The following MYO16 variants were observed in gnomAD, a reference collection of about 807,000 sequenced individuals.
MYO16 encodes the protein unconventional myosin-XVI.
MYO16 carries 94 observed loss-of-function variants against 205.3 expected under a neutral mutation model. The ratio of observed to expected loss-of-function variants is 0.46; its 90% CI spans 0.39 to 0.54. The LOEUF (loss-of-function observed/expected upper bound fraction) is 0.54. MYO16 is among the 20% of genes least tolerant of loss of function. The pLI is 0.00. For missense variants in MYO16, 2,315 were observed against 2,387.5 expected (o/e 0.97, Z 0.63); for synonymous variants, 988 against 954.0 (o/e 1.04, Z -0.66).
In MYO16 at chr13:108,898,002, C is replaced by T. The variant is rs1880512600; in HGVS notation, c.1660-14C>T. ...AATATGAGCAGTTCAGTAAAATGTTCTCCTCTCCCACAGGTCGTGTGCATC... is the reference window on the plus strand; with the variant it reads ...AATATGAGCAGTTCAGTAAAATGTTTTCCTCTCCCACAGGTCGTGTGCATC... On this transcript the variant is annotated splice_polypyrimidine_tract_variant and intron_variant, in intron 14 of 34. Transcript: ENST00000457511. 2 of 1,575,436 alleles carry T rather than the reference C, an allele frequency of 1.3e-6. No homozygotes were observed. Among genetic ancestry groups the T allele is most frequent in the Admixed American group, 1.7e-5 (1 of 59,922 alleles).
chr13:109,207,096 T>C lies in MYO16; in HGVS notation c.*260T>C. The C allele has an allele frequency of 2.4e-6, 1 of 419,322 alleles. No individual in the cohort carries two copies. 26.0% of individuals were successfully genotyped at this position (419,322 alleles called of 1,614,324 possible). On this transcript the variant is annotated 3_prime_UTR_variant, in exon 35 of 35. Transcript: ENST00000457511. ...CTCATTTACGGCTCTGTGCTACCCC[T>C]AGGTAGCAAGAGAGAGGCTGGGAAA...
At chr13:108,654,197 C>T (rs1881140606) in intron 1 of MYO16, among the ~76,000 whole-genome samples, 1 of 152,100 alleles carries the variant, frequency 6.6e-6, no homozygotes, top group Non-Finnish European at 1.5e-5. Flanking sequence ...ACCAAGGTGA[C>T]ACGCTTTGGC....
intron 4 of MYO16, among the ~76,000 whole-genome samples, chr13:108,744,379 T>C (rs893411564): frequency 5.9e-5 from 9 of 152,212 alleles, no homozygotes; most frequent in African/African-American, 1.7e-4. Context: ...TTTTCAGTCA[T>C]TCTATAAGCC....
intron 1 of MYO16, among the ~76,000 whole-genome samples, chr13:108,661,042 T>C (rs970143930): frequency 6.6e-6 from 1 of 152,186 alleles, no homozygotes; most frequent in African/African-American, 2.4e-5. Context: ...TCATGTATGA[T>C]GCTTGGTTTC....
intron 9 of MYO16, 124 bp downstream of exon 9, chr13:108,823,402 T>A: frequency 2.6e-6 from 2 of 763,116 alleles, no homozygotes; most frequent in Admixed American, 2.8e-5. Context: ...TCAATGTATA[T>A]ACCAAAGAAT....
chr13:108,633,968 C>T (rs1485639030), intron 1 of MYO16, among the ~76,000 whole-genome samples: 1 of 152,156 alleles, frequency 6.6e-6, no homozygotes, highest in Admixed American at 6.5e-5. Flanking sequence ...CACTCCTTGC[C>T]CTCACCTCCC....
chr13:108,953,920 A>G (rs908601942), intron 16 of MYO16, among the ~76,000 whole-genome samples: 3 of 152,172 alleles, frequency 2.0e-5, no homozygotes, highest in Admixed American at 1.3e-4. Context: ...AATGCTCACA[A>G]CCAAGCTGAA....
chr13:108,648,717 T>A (rs1880864311), intron 1 of MYO16, among the ~76,000 whole-genome samples: 1 of 152,104 alleles, frequency 6.6e-6, no homozygotes, highest in South Asian at 2.1e-4. Context: ...TATGGATTTT[T>A]ATATTACACG....
chr13:108,819,800 A>C (rs9521064), intron 7 of MYO16, among the ~76,000 whole-genome samples: 15,829 of 152,202 alleles, frequency 0.1, 1,017 homozygotes, highest in South Asian at 0.21. Context: ...CAACAATGCC[A>C]ACAAGTTAGA....
intron 16 of MYO16, among the ~76,000 whole-genome samples, chr13:108,936,012 T>G (rs560740784): frequency 6.6e-6 from 1 of 152,086 alleles, no homozygotes; most frequent in East Asian, 1.9e-4. Context: ...CTTTTTGATG[T>G]ACTATTGAAT....
intron 31 of MYO16, among the ~76,000 whole-genome samples, chr13:109,128,351 A>G (rs1876363907): frequency 6.6e-6 from 1 of 152,126 alleles, no homozygotes; most frequent in East Asian, 1.9e-4. Context: ...ACATAGACCC[A>G]GGGTAGTAGT....
chr13:109,166,025 A>T lies in MYO16; in HGVS notation c.5323+966A>T, dbSNP rs74431714. ...GGCAGTAATAGCATCCTAGGCTTCAAAACATTCATAGAAACCATTTTTCAA... is the reference window on the plus strand; with the variant it reads ...GGCAGTAATAGCATCCTAGGCTTCATAACATTCATAGAAACCATTTTTCAA... On this transcript the variant is annotated intron_variant, in intron 33 of 34. Coordinates refer to ENST00000457511, the MANE Select transcript of MYO16 (RefSeq NM_001198950.3). 3.7e-3 allele frequency among the ~76,000 whole-genome samples: 565 copies of T among 152,334 alleles called. 2 individuals are homozygous for T. Among genetic ancestry groups the T allele is most frequent in the African/African-American group, 0.013 (523 of 41,574 alleles).
At position 108,619,060 on chromosome 13, in the gene MYO16, CAG is replaced by C. The variant is rs376966911; in HGVS notation, c.-39+22824_-39+22825del. Among the ~76,000 whole-genome samples the C allele has an allele frequency of 1.5e-3, 224 of 152,214 alleles. 1 individual carries two copies. Among genetic ancestry groups the C allele is most frequent in the African/African-American group, 5.0e-3 (207 of 41,538 alleles). ...TGTTTTTGGATTTTATGTAAATAAA[CAG>C]AGTCATAAATTTGACACTCTCAAAA... On this transcript the variant is annotated intron_variant, in intron 1 of 24. Transcript: ENST00000251041.
intron 34 of MYO16, among the ~76,000 whole-genome samples, chr13:109,184,637 C>G (rs1969974): frequency 0.5 from 76,202 of 151,976 alleles, 20,054 homozygotes; most frequent in African/African-American, 0.64. Context: ...CTCCCTCTGT[C>G]CCAGGCTGGA....
chr13:108,593,990 G>T (rs1199773149), upstream of MYO16, among the ~76,000 whole-genome samples: 2 of 152,152 alleles, frequency 1.3e-5, no homozygotes, highest in African/African-American at 4.8e-5. Context: ...CTCAGACCAG[G>T]TGTCTCTGTG....
At chr13:108,897,501 G>A (rs925216309) in intron 14 of MYO16, among the ~76,000 whole-genome samples, 2 of 152,172 alleles carry the variant, frequency 1.3e-5, no homozygotes, top group South Asian at 2.1e-4. Flanking sequence ...GCAAAAGCAC[G>A]GTACAGGGAG....
chr13:108,858,002 A>G (rs1251572815), intron 11 of MYO16, among the ~76,000 whole-genome samples: 1 of 152,238 alleles, frequency 6.6e-6, no homozygotes, highest in African/African-American at 2.4e-5. Flanking sequence ...TCAATTTTGT[A>G]ATAGGAATGC....
At chr13:108,926,714 G>A (rs1882024073) in intron 16 of MYO16, among the ~76,000 whole-genome samples, 1 of 152,142 alleles carries the variant, frequency 6.6e-6, no homozygotes, top group African/African-American at 2.4e-5. Context: ...TAAGAGCAGT[G>A]CCATCGACAT....
At chr13:108,898,633 T>C (rs1880557731) in intron 15 of MYO16, among the ~76,000 whole-genome samples, 1 of 152,080 alleles carries the variant, frequency 6.6e-6, no homozygotes, top group Non-Finnish European at 1.5e-5. Context: ...TTGAAATCTA[T>C]TTGAAATAAA....
Sources: gnomAD v4.1 joint callset for allele counts (sites outside exome capture counted in the v4.1 genomes callset) on GRCh38, gnomAD v4.1.1 for gene constraint, MANE v1.5 for transcripts, NCBI Gene and HGNC (gene_info 2026-07-23, HGNC 2026-07-21) for gene names.